Variants in UPK1B observed in about 807,000 individuals in gnomAD.
UPK1B encodes uroplakin 1B, also known as uroplakin-1b.
UPK1B carries 28 observed loss-of-function variants against 34.2 expected under a neutral mutation model. The observed-to-expected ratio is 0.82, with a 90% CI of 0.61 to 1.12. The LOEUF (loss-of-function observed/expected upper bound fraction) is 1.12, where lower values mean the gene tolerates loss of function less well. Among genes scored for constraint, UPK1B ranks in the 50% most tolerant of loss-of-function variants. The pLI is 0.00. For missense variants in UPK1B, 325 were observed against 320.9 expected (o/e 1.01, Z -0.10); for synonymous variants, 81 against 110.4 (o/e 0.73, Z 1.67).
chr3:119,174,806 G>A (rs183267106), intron 1 of UPK1B, among the ~76,000 whole-genome samples: 27 of 151,656 alleles, frequency 1.8e-4, no homozygotes, highest in Admixed American at 1.4e-3. Context: ...CCTTCTCAGT[G>A]AGGAGAAAAA....
At chr3:119,182,880 G>A (rs1368932652) in intron 1 of UPK1B, among the ~76,000 whole-genome samples, 2 of 152,218 alleles carry the variant, frequency 1.3e-5, no homozygotes, top group Non-Finnish European at 2.9e-5. Context: ...CTTGGGGGTA[G>A]GTGGATGAGC....
At chr3:119,189,002 C>T (rs936069783) in intron 3 of UPK1B, among the ~76,000 whole-genome samples, 1 of 152,048 alleles carries the variant, frequency 6.6e-6, no homozygotes, top group Non-Finnish European at 1.5e-5. Context: ...GAAAGGAATA[C>T]AGGAAAAAGG....
At chr3:119,200,191 C>G (rs2078085178) in intron 7 of UPK1B, among the ~76,000 whole-genome samples, 1 of 152,142 alleles carries the variant, frequency 6.6e-6, no homozygotes, top group South Asian at 2.1e-4. Context: ...TAGCTGGGAC[C>G]ACAGGTGCAC....
chr3:119,178,784 G>A (rs1429707276), intron 1 of UPK1B, among the ~76,000 whole-genome samples: 1 of 152,092 alleles, frequency 6.6e-6, no homozygotes, highest in African/African-American at 2.4e-5. Context: ...CCCAGTAAAT[G>A]GAACATCTGT....
At chr3:119,191,633 C>G (rs755089833) in intron 5 of UPK1B, among the ~76,000 whole-genome samples, 3 of 152,192 alleles carry the variant, frequency 2.0e-5, no homozygotes, top group African/African-American at 7.2e-5. Context: ...CAACTTTTTA[C>G]AGTCTGTCAT....
At chr3:119,175,204 T>G (rs2107569342) in intron 1 of UPK1B, among the ~76,000 whole-genome samples, 1 of 151,638 alleles carries the variant, frequency 6.6e-6, no homozygotes, top group African/African-American at 2.4e-5. Flanking sequence ...ATTTTTTGTA[T>G]TTTTAGTAGA....
intron 1 of UPK1B, among the ~76,000 whole-genome samples, chr3:119,182,083 G>T (rs373259872): frequency 3.0e-4 from 46 of 152,330 alleles, no homozygotes; most frequent in African/African-American, 8.9e-4. Context: ...TGCAAGGCGG[G>T]CCCCTCCCAT....
At chr3:119,186,394 C>A (rs888401275) in intron 1 of UPK1B, among the ~76,000 whole-genome samples, 10 of 152,172 alleles carry the variant, frequency 6.6e-5, no homozygotes, top group African/African-American at 2.4e-4. Flanking sequence ...TGTGTTTGGC[C>A]CTACCCAATC....
intron 7 of UPK1B, among the ~76,000 whole-genome samples, chr3:119,203,712 G>A (rs1025356275): frequency 6.6e-6 from 1 of 152,132 alleles, no homozygotes; most frequent in African/African-American, 2.4e-5. Flanking sequence ...AAACCACCAT[G>A]GCACACGTAC....
At position 119,203,340 on chromosome 3, in the gene UPK1B, CAAAAAAAAAAAAAAA is replaced by C. The variant is rs55752613; in HGVS notation, c.733-563_733-549del. On this transcript the variant is annotated intron_variant, in intron 7 of 7. Coordinates refer to ENST00000264234, the MANE Select transcript of UPK1B (RefSeq NM_006952.4). Reference sequence around the variant, plus strand: ...TGGGCGACAGAGCGAAACTCCGTCTCAAAAAAAAAAAAAAAAAAAAAAAAAAAATCTGATATCTAA... The same window carrying C: ...TGGGCGACAGAGCGAAACTCCGTCTCAAAAAAAAAAAAATCTGATATCTAA... Among the ~76,000 whole-genome samples, 21 of 62,028 alleles carry C rather than the reference CAAAAAAAAAAAAAAA, an allele frequency of 3.4e-4. 1 individual carries two copies. The highest frequency in any genetic ancestry group is 1.3e-3 in the African/African-American group (20 of 14,948). 40.7% of individuals were successfully genotyped at this position (62,028 alleles called of 152,430 possible). A position where few individuals can be genotyped will look rare whatever the true frequency, so the allele number is the denominator to read the frequency against.
At chr3:119,191,232 A>AT in intron 5 of UPK1B, 128 bp downstream of exon 5, 1 of 1,190,660 alleles carries the variant, frequency 8.4e-7, no homozygotes, top group Non-Finnish European at 1.2e-6. Context: ...TGTTGGAATG[A>AT]TTTTGTCAAG....
intron 1 of UPK1B, among the ~76,000 whole-genome samples, chr3:119,184,563 C>CAAA (rs11369996): frequency 1.0e-4 from 12 of 117,206 alleles, no homozygotes; most frequent in Admixed American, 3.4e-4. Context: ...ACTAAAAATA[C>CAAA]AAAAAAAAAA....
intron 1 of UPK1B, among the ~76,000 whole-genome samples, chr3:119,175,194 A>T: frequency 6.6e-6 from 1 of 151,030 alleles, no homozygotes; most frequent in East Asian, 2.0e-4. Context: ...CGCCCGGCCA[A>T]TTTTTTGTAT....
intron 1 of UPK1B, among the ~76,000 whole-genome samples, chr3:119,180,796 A>G (rs1185379865): frequency 6.6e-6 from 1 of 152,154 alleles, no homozygotes; most frequent in East Asian, 1.9e-4. Flanking sequence ...AGAACCCTAA[A>G]CATCAGCCAG....
At chr3:119,177,526 G>C (rs1042037910) in intron 1 of UPK1B, among the ~76,000 whole-genome samples, 2 of 152,190 alleles carry the variant, frequency 1.3e-5, no homozygotes, top group African/African-American at 4.8e-5. Flanking sequence ...CAGAACTGAT[G>C]TATCATGCCG....
intron 5 of UPK1B, among the ~76,000 whole-genome samples, chr3:119,193,229 C>A (rs1251934254): frequency 6.6e-6 from 1 of 152,166 alleles, no homozygotes; most frequent in Non-Finnish European, 1.5e-5. Context: ...CCCACTAAAT[C>A]CTAGTTTGAA....
intron 1 of UPK1B, among the ~76,000 whole-genome samples, chr3:119,178,265 T>C (rs2107570557): frequency 6.6e-6 from 1 of 152,302 alleles, no homozygotes. Flanking sequence ...AGACTGGTCT[T>C]TCAGAAGGGA....
Position 119,175,406 on chromosome 3 carries a change from T to G in UPK1B, c.-29+1768T>G, listed in dbSNP as rs569403586. Among the ~76,000 whole-genome samples, 414 of 152,240 alleles carry G rather than the reference T, an allele frequency of 2.7e-3. 3 individuals carry two copies. The highest frequency in any genetic ancestry group is 9.6e-3 in the African/African-American group (397 of 41,516). Reference sequence around the variant, plus strand: ...CACCAGCCAGCCTTTAAATATGCTCTGGAATTTGTGCCTGATAGCCATGCA... The same window carrying G: ...CACCAGCCAGCCTTTAAATATGCTCGGGAATTTGTGCCTGATAGCCATGCA... On this transcript the variant is annotated intron_variant, in intron 1 of 7. Transcript: ENST00000264234.
chr3:119,200,029 T>C (rs1046927506), intron 7 of UPK1B, among the ~76,000 whole-genome samples: 1 of 152,242 alleles, frequency 6.6e-6, no homozygotes, highest in Non-Finnish European at 1.5e-5. Flanking sequence ...ATCTCTTCAA[T>C]GACTAGCTAA....
Sources: gnomAD v4.1 joint callset for allele counts (sites outside exome capture counted in the v4.1 genomes callset) on GRCh38, gnomAD v4.1.1 for gene constraint, MANE v1.5 for transcripts, NCBI Gene and HGNC (gene_info 2026-07-23, HGNC 2026-07-21) for gene names.